The following TTC6 variants were observed in gnomAD, a reference collection of about 807,000 sequenced individuals.
TTC6 encodes tetratricopeptide repeat domain 6.
A neutral mutation model predicts 210.4 loss-of-function variants in TTC6; 172 were observed. That is an observed-to-expected ratio of 0.82 (90% confidence interval 0.72 to 0.93). The LOEUF (loss-of-function observed/expected upper bound fraction) is 0.93. TTC6 is among the 40% of genes least tolerant of loss of function. The pLI is 0.00. For missense variants in TTC6, 2,414 were observed against 2,318.1 expected (o/e 1.04, Z -0.85); for synonymous variants, 804 against 819.6 (o/e 0.98, Z 0.32).
In TTC6 at chr14:37,740,150, G is replaced by A. The variant is rs560169488; in HGVS notation, c.2363+995G>A. On this transcript the variant is annotated intron_variant, in intron 10 of 30. Coordinates refer to ENST00000553443, the Ensembl canonical transcript of TTC6. ...TGCACTCCAGCCTGGGCGACAGAGC[G>A]AGACTCCGTCTCAAAAAAAAAAAAA... 3.9e-3 allele frequency among the ~76,000 whole-genome samples: 502 copies of A among 128,578 alleles called. 4 individuals are homozygous for A. The highest frequency in any genetic ancestry group is 0.013 in the African/African-American group (470 of 36,726). 84.4% of individuals were successfully genotyped at this position (128,578 alleles called of 152,430 possible).
Position 37,686,492 on chromosome 14 carries a change from G to A in TTC6, c.1257+3528G>A, listed in dbSNP as rs2095794004. Among the ~76,000 whole-genome samples the A allele has an allele frequency of 2.6e-5, 4 of 152,290 alleles. No homozygotes were observed. The South Asian group carries it at 8.3e-4, about 32-fold the overall frequency. On this transcript the variant is annotated intron_variant, in intron 3 of 30. Transcript: ENST00000553443. ...GTCTCGTGGACTGCTACAGGGCTGTGTCCAATTCAATAAATTTCCTAATGG... is the reference window on the plus strand; with the variant it reads ...GTCTCGTGGACTGCTACAGGGCTGTATCCAATTCAATAAATTTCCTAATGG...
chr14:37,609,218 A>G (rs2139242571), intron 2 of TTC6, among the ~76,000 whole-genome samples: 1 of 152,238 alleles, frequency 6.6e-6, no homozygotes, highest in South Asian at 2.1e-4. Context: ...CAAAAGCTCA[A>G]GCCTGGGCAG....
intron 21 of TTC6, among the ~76,000 whole-genome samples, chr14:37,805,488 G>T (rs34025516): frequency 6.6e-6 from 1 of 151,304 alleles, no homozygotes; most frequent in Non-Finnish European, 1.5e-5. Flanking sequence ...TTACGTTCGT[G>T]GGGTGGACAT....
At chr14:37,829,975 G>A (rs2096180727) in intron 29 of TTC6, among the ~76,000 whole-genome samples, 1 of 151,898 alleles carries the variant, frequency 6.6e-6, no homozygotes, top group Admixed American at 6.6e-5. Context: ...CAGACTATTT[G>A]CCAAACTCCC....
intron 7 of TTC6, among the ~76,000 whole-genome samples, chr14:37,725,310 GTGTATATA>G (rs1213912711): frequency 0.013 from 736 of 55,602 alleles, 5 homozygotes; most frequent in African/African-American, 0.038. Context: ...GTGTGTGTGT[GTGTATATA>G]TATATATATA....
At chr14:37,795,535 A>G (rs1192832008) in intron 18 of TTC6, among the ~76,000 whole-genome samples, 183 bp downstream of exon 20, 1 of 152,154 alleles carries the variant, frequency 6.6e-6, no homozygotes, top group East Asian at 1.9e-4. Context: ...ACATAAGATA[A>G]CCAGATTTTT....
intron 2 of TTC6, among the ~76,000 whole-genome samples, chr14:37,610,123 G>A (rs376231262): frequency 2.6e-5 from 4 of 152,174 alleles, no homozygotes; most frequent in African/African-American, 9.7e-5. Context: ...ACATGGTAAA[G>A]CTGTGTGTCC....
At chr14:37,694,042 T>G (rs1013658178) in intron 3 of TTC6, among the ~76,000 whole-genome samples, 4 of 151,842 alleles carry the variant, frequency 2.6e-5, no homozygotes, top group African/African-American at 4.8e-5. Flanking sequence ...AGTACATTGG[T>G]TTCAGCAAAT....
intron 6 of TTC6, 125 bp from the exon 9 acceptor site, chr14:37,724,773 A>G (rs183900583): frequency 2.2e-4 from 111 of 504,076 alleles, no homozygotes; most frequent in African/African-American, 1.9e-3. Context: ...ATTCTTATCC[A>G]TATTTTCAGA....
chr14:37,822,991 A>G (rs2096161457), intron 26 of TTC6, among the ~76,000 whole-genome samples: 1 of 152,234 alleles, frequency 6.6e-6, no homozygotes, highest in Non-Finnish European at 1.5e-5. Context: ...AGTTGCTAGT[A>G]TCCTTATTCC....
intron 29 of TTC6, chr14:37,837,405 T>G (rs1170782345): frequency 2.2e-6 from 1 of 455,524 alleles, no homozygotes; most frequent in Non-Finnish European, 4.4e-6. Flanking sequence ...CAGGAGTGAA[T>G]CCTCTTCAAA....
At position 37,796,380 on chromosome 14, in the gene TTC6, A is replaced by G. The variant is rs771047546; in HGVS notation, c.3868+10A>G. The G allele has an allele frequency of 4.6e-6, 5 of 1,079,422 alleles. No individual in the cohort carries two copies. The Admixed American group carries it at 1.2e-4, about 26-fold the overall frequency. 66.9% of individuals were successfully genotyped at this position (1,079,422 alleles called of 1,614,324 possible). A position where few individuals can be genotyped will look rare whatever the true frequency, so the allele number is the denominator to read the frequency against. ...GCAGAAATGGACAAAGGTAAGTATA[A>G]TTAATTATAACTTTTAAGAAATACT... On this transcript the variant is annotated intron_variant, in intron 19 of 30. Coordinates refer to ENST00000553443, the Ensembl canonical transcript of TTC6.
chr14:37,643,816 G>T (rs1310594741), intron 1 of TTC6, among the ~76,000 whole-genome samples: 1 of 152,096 alleles, frequency 6.6e-6, no homozygotes, highest in African/African-American at 2.4e-5. Flanking sequence ...TGGAAATAGG[G>T]TTATGAAGAA....
rs138132818 is a variant in TTC6 at position 37,676,834 on chromosome 14, A to G, written c.940-3317A>G. Among the ~76,000 whole-genome samples, 13 of 152,112 alleles carry G rather than the reference A, an allele frequency of 8.5e-5. No individual in the cohort carries two copies. In the East Asian group the frequency reaches 2.5e-3, roughly 29 times the overall value. Reference sequence around the variant, plus strand: ...GAAGAGTGTATTTGTTTCCCATTGAATGTTTTTGGCACCTTTGTCGAAAGT... The same window carrying G: ...GAAGAGTGTATTTGTTTCCCATTGAGTGTTTTTGGCACCTTTGTCGAAAGT... On this transcript the variant is annotated intron_variant, in intron 1 of 30. Coordinates refer to ENST00000553443, the Ensembl canonical transcript of TTC6.
At chr14:37,749,489 G>A in intron 11 of TTC6, 88 bp downstream of exon 13, 1 of 1,311,326 alleles carries the variant, frequency 7.6e-7, no homozygotes, top group Non-Finnish European at 9.8e-7. Flanking sequence ...TTTGAACAAT[G>A]AATGTTTATA....
At chr14:37,763,121 T>G (rs978881373) in intron 14 of TTC6, among the ~76,000 whole-genome samples, 20 of 151,720 alleles carry the variant, frequency 1.3e-4, no homozygotes, top group African/African-American at 4.6e-4. Context: ...ATCTCCCGAC[T>G]TCATGATCCG....
intron 2 of TTC6, among the ~76,000 whole-genome samples, chr14:37,608,820 A>G (rs899795916): frequency 6.6e-6 from 1 of 152,110 alleles, no homozygotes; most frequent in Non-Finnish European, 1.5e-5. Flanking sequence ...GGAAAGTCAC[A>G]CTGGCCCTGC....
At chr14:37,747,203 A>G (rs2095938585) in intron 10 of TTC6, among the ~76,000 whole-genome samples, 1 of 152,108 alleles carries the variant, frequency 6.6e-6, no homozygotes, top group Non-Finnish European at 1.5e-5. Flanking sequence ...TGGATTACCC[A>G]TGTCCTATTT....
At chr14:37,790,630 A>G in intron 15 of TTC6, 87 bp from the exon 18 acceptor site, 1 of 1,056,040 alleles carries the variant, frequency 9.5e-7, no homozygotes, top group East Asian at 2.6e-5. Flanking sequence ...AATGAGAATA[A>G]GCAATAGGAA....
Sources: allele counts gnomAD v4.1 joint callset (sites outside exome capture counted in the v4.1 genomes callset), GRCh38; gene constraint gnomAD v4.1.1; transcripts MANE v1.5; gene names NCBI Gene and HGNC (gene_info 2026-07-23, HGNC 2026-07-21).